AK8: variants seen among roughly 807,000 people sequenced by gnomAD.
AK8 encodes the protein ATP-AMP transphosphorylase 8.
A neutral mutation model predicts 54.6 loss-of-function variants in AK8; 44 were observed. The ratio of observed to expected loss-of-function variants is 0.81; its 90% CI spans 0.63 to 1.04. AK8 has a LOEUF of 1.04. Ranked by LOEUF, AK8 falls within the 50% of genes least tolerant of loss-of-function variation. The pLI, the probability that AK8 is intolerant of heterozygous loss-of-function variation, is 0.00. For missense variants in AK8, 555 were observed against 613.6 expected (o/e 0.90, Z 1.01); for synonymous variants, 239 against 245.6 (o/e 0.97, Z 0.25).
At chr9:132,846,956 G>A (rs547530460) in intron 5 of AK8, among the ~76,000 whole-genome samples, 3 of 152,358 alleles carry the variant, frequency 2.0e-5, no homozygotes, top group East Asian at 3.9e-4. Flanking sequence ...AGGCTCAGAC[G>A]CATGCTCCAT....
chr9:132,757,165 C>T (rs1207537354), intron 11 of AK8, among the ~76,000 whole-genome samples: 2 of 151,840 alleles, frequency 1.3e-5, no homozygotes, highest in East Asian at 3.8e-4. Context: ...GAGTGACTGA[C>T]ATTTCAATCC....
At chr9:132,742,373 T>A (rs1837433837) in intron 11 of AK8, among the ~76,000 whole-genome samples, 1 of 152,170 alleles carries the variant, frequency 6.6e-6, no homozygotes, top group African/African-American at 2.4e-5. Flanking sequence ...AGACAGGGTC[T>A]CACCATATTG....
chr9:132,758,749 G>T (rs908304875), intron 11 of AK8, among the ~76,000 whole-genome samples: 2 of 151,810 alleles, frequency 1.3e-5, no homozygotes, highest in Non-Finnish European at 2.9e-5. Context: ...ATGAGCCACC[G>T]CATTTTCCAT....
At chr9:132,847,559 C>T (rs138978051) in intron 5 of AK8, among the ~76,000 whole-genome samples, 66 of 152,328 alleles carry the variant, frequency 4.3e-4, no homozygotes, top group Admixed American at 8.5e-4. Flanking sequence ...ACAGCCCCCA[C>T]CCCTGCTGAG....
chr9:132,743,423 G>A (rs1837488303), intron 11 of AK8, among the ~76,000 whole-genome samples: 1 of 152,234 alleles, frequency 6.6e-6, no homozygotes, highest in African/African-American at 2.4e-5. Context: ...GTCTCCATCA[G>A]TGACAACTGC....
chr9:132,812,410 T>G (rs1841061603), intron 10 of AK8, among the ~76,000 whole-genome samples: 1 of 142,808 alleles, frequency 7.0e-6, no homozygotes, highest in Admixed American at 6.9e-5. Flanking sequence ...TTTTTTTTTT[T>G]GTATTTTTAG....
Position 132,851,234 on chromosome 9 carries a change from C to T in AK8, c.402+3623G>A, listed in dbSNP as rs1268385052. ...ACACTCCTGCCTCCAGGCAGTCCTG[C>T]GGTGACTGTGGTGGCACTGCTGTGT... is the stretch of plus-strand genomic sequence containing the variant. On this transcript the variant is annotated intron_variant, in intron 5 of 12. Transcript: ENST00000298545. Among the ~76,000 whole-genome samples the T allele has an allele frequency of 3.3e-5, 5 of 152,182 alleles. No homozygotes were observed. The East Asian group carries it at 7.7e-4, about 24-fold the overall frequency.
chr9:132,857,806 C>T (rs1309597549), intron 4 of AK8, among the ~76,000 whole-genome samples: 1 of 152,244 alleles, frequency 6.6e-6, no homozygotes, highest in Non-Finnish European at 1.5e-5. Context: ...AGGGGACAGG[C>T]CTGCGGCTTT....
At chr9:132,778,066 A>G (rs567730325) in intron 11 of AK8, among the ~76,000 whole-genome samples, 3 of 152,332 alleles carry the variant, frequency 2.0e-5, no homozygotes, top group Non-Finnish European at 4.4e-5. Context: ...TGTTGCAGTC[A>G]GCTGCATGGG....
At chr9:132,807,378 G>A (rs1440787066) in intron 10 of AK8, among the ~76,000 whole-genome samples, 1 of 152,260 alleles carries the variant, frequency 6.6e-6, no homozygotes, top group Non-Finnish European at 1.5e-5. Context: ...GTTCCAGCAT[G>A]TTCCGAGTGC....
At chr9:132,750,802 A>G (rs2131013467) in intron 11 of AK8, among the ~76,000 whole-genome samples, 1 of 152,068 alleles carries the variant, frequency 6.6e-6, no homozygotes. Context: ...GAAATTAGGT[A>G]CAAATTGTAC....
chr9:132,840,466 T>G (rs1255880221), intron 5 of AK8, among the ~76,000 whole-genome samples: 3 of 150,678 alleles, frequency 2.0e-5, no homozygotes, highest in Non-Finnish European at 4.4e-5. Context: ...TGAACAGGCA[T>G]GAGGAAGGCA....
Position 132,808,447 on chromosome 9 carries a change from G to A in AK8, c.979+6191C>T, listed in dbSNP as rs549379474. The stretch of plus-strand genomic sequence containing the variant: ...CAAGGGACTGAAGATGCGCTAAGAT[G>A]GGGCCCTGGGGTCCTTTGCCCAGTA... On this transcript the variant is annotated intron_variant, in intron 10 of 12. Coordinates refer to ENST00000298545, the MANE Select transcript of AK8 (RefSeq NM_152572.3). Among the ~76,000 whole-genome samples the A allele has an allele frequency of 5.3e-5, 8 of 152,290 alleles. No individual in the cohort carries two copies. The South Asian group carries it at 8.3e-4, about 16-fold the overall frequency.
chr9:132,869,347 T>A (rs6597583), intron 2 of AK8, among the ~76,000 whole-genome samples: 17,834 of 152,280 alleles, frequency 0.12, 2,223 homozygotes, highest in African/African-American at 0.31. Context: ...CAGACAGTGC[T>A]GCCCGTGCCC....
intron 11 of AK8, among the ~76,000 whole-genome samples, chr9:132,749,691 T>A (rs894380030): frequency 6.6e-6 from 1 of 150,672 alleles, no homozygotes; most frequent in Non-Finnish European, 1.5e-5. Flanking sequence ...CTTAAGTGCT[T>A]CATTTACTCT....
At chr9:132,839,820 C>CG (rs11368446) in intron 5 of AK8, among the ~76,000 whole-genome samples, 16,933 of 73,466 alleles carry the variant, frequency 0.23, 2,785 homozygotes, top group African/African-American at 0.29. Flanking sequence ...TTTTTTTTGC[C>CG]GGGGGGGGGG....
Position 132,878,031 on chromosome 9 carries a change from C to A in AK8, c.84+141G>T. On this transcript the variant is annotated intron_variant, in intron 1 of 12. Transcript: ENST00000298545. The surrounding 1 kb of genome is among the most constrained non-coding windows in gnomAD (Gnocchi z 4.7). ...GGGCCCCCTCGGGGTCACGGCGACACACGAATCGTACATCCCGAGTTGGGC... is the reference window on the plus strand; with the variant it reads ...GGGCCCCCTCGGGGTCACGGCGACAAACGAATCGTACATCCCGAGTTGGGC... 1 of 1,536,754 alleles carries A rather than the reference C, an allele frequency of 6.5e-7. No individual in the cohort carries two copies. Among genetic ancestry groups the A allele is most frequent in the South Asian group, 1.2e-5 (1 of 83,378 alleles).
intron 5 of AK8, 48 bp downstream of exon 5, chr9:132,854,809 C>T: frequency 5.6e-6 from 9 of 1,599,422 alleles, no homozygotes; most frequent in South Asian, 1.1e-5. Flanking sequence ...CGCCCTTCAC[C>T]CTCCCCTTTA....
intron 9 of AK8, among the ~76,000 whole-genome samples, chr9:132,820,752 A>G (rs1297980179): frequency 6.6e-6 from 1 of 152,082 alleles, no homozygotes; most frequent in Non-Finnish European, 1.5e-5. Context: ...GTTGGTTTGG[A>G]GATATTTTCC....
Sources: allele counts gnomAD v4.1 joint callset (sites outside exome capture counted in the v4.1 genomes callset), GRCh38; gene constraint gnomAD v4.1.1; non-coding constraint Gnocchi (gnomAD v3.1); transcripts MANE v1.5; gene names NCBI Gene and HGNC (gene_info 2026-07-23, HGNC 2026-07-21).